Variants in RELA observed in about 807,000 individuals in gnomAD.
The protein encoded by RELA is transcription factor p65.
A neutral mutation model predicts 56.7 loss-of-function variants in RELA; 14 were observed. That is an observed-to-expected ratio of 0.25 (90% CI 0.16 to 0.39). The LOEUF (loss-of-function observed/expected upper bound fraction) is 0.39. RELA is among the 10% of genes least tolerant of loss of function. The probability of loss-of-function intolerance (pLI) is 1.00; values close to 1 mark genes in which losing one functional copy is unlikely to be tolerated. For missense variants in RELA, 559 were observed against 736.4 expected (o/e 0.76, Z 2.79); for synonymous variants, 315 against 289.7 (o/e 1.09, Z -0.89).
Position 65,658,251 on chromosome 11 carries a change from C to T in RELA, c.877+36G>A. 2 of 1,493,290 alleles carry T rather than the reference C, an allele frequency of 1.3e-6. No homozygotes were observed. The highest frequency in any genetic ancestry group is 1.8e-6 in the Non-Finnish European group (2 of 1,096,604). The allele number at this position is 1,493,290 out of a possible 1,614,324, so 92.5% of individuals were successfully genotyped here. ...TTGGCCTCTCTCTCACGGCACAGAGCCCAGCTGCCCTGATGCTGCCACCCC... is the reference window on the plus strand; with the variant it reads ...TTGGCCTCTCTCTCACGGCACAGAGTCCAGCTGCCCTGATGCTGCCACCCC... On this transcript the variant is annotated intron_variant, in intron 8 of 10. Coordinates refer to ENST00000406246, the MANE Select transcript of RELA (RefSeq NM_021975.4). This position sits in a 1 kb window ranked among gnomAD's most constrained non-coding sequence, Gnocchi z 4.5.
chr11:65,656,715 C>T (rs1160211495), intron 8 of RELA, among the ~76,000 whole-genome samples: 1 of 152,156 alleles, frequency 6.6e-6, no homozygotes, highest in Non-Finnish European at 1.5e-5. Flanking sequence ...GAGAGGGACA[C>T]AATCATATAT....
chr11:65,656,107 C>T, intron 8 of RELA, 172 bp from the exon 9 acceptor site: 1 of 691,766 alleles, frequency 1.4e-6, no homozygotes, highest in East Asian at 2.7e-5. Flanking sequence ...GAGAATCCCA[C>T]AGCTTTTGGA....
At chr11:65,656,971 A>C (rs1357498027) in intron 8 of RELA, among the ~76,000 whole-genome samples, 2 of 152,124 alleles carry the variant, frequency 1.3e-5, no homozygotes, top group Non-Finnish European at 2.9e-5. Flanking sequence ...GGTTGCAGTG[A>C]GCCGAGATTG....
At position 65,658,248 on chromosome 11, in the gene RELA, G is replaced by T. The variant is rs558936963; in HGVS notation, c.877+39C>A. 6.7e-6 allele frequency: 10 copies of T among 1,486,910 alleles called. No homozygotes were observed. The African/African-American group carries it at 1.4e-4, about 20-fold the overall frequency. 92.1% of individuals were successfully genotyped at this position (1,486,910 alleles called of 1,614,324 possible). A position where few individuals can be genotyped will look rare whatever the true frequency, so the allele number is the denominator to read the frequency against. ...GTCTTGGCCTCTCTCTCACGGCACA[G>T]AGCCCAGCTGCCCTGATGCTGCCAC... On this transcript the variant is annotated intron_variant, in intron 8 of 10. Coordinates refer to ENST00000406246, the MANE Select transcript of RELA (RefSeq NM_021975.4). This position sits in a 1 kb window ranked among gnomAD's most constrained non-coding sequence, Gnocchi z 4.5.
chr11:65,660,491 C>T (rs1238624100), intron 4 of RELA: 2 of 493,644 alleles, frequency 4.1e-6, no homozygotes, highest in Non-Finnish European at 3.6e-6. Context: ...CTCATTCCCA[C>T]CTCAAGGCCT....
chr11:65,655,090 A>G (rs1856387942), intron 10 of RELA, 90 bp from the exon 11 acceptor site: 5 of 1,034,840 alleles, frequency 4.8e-6, no homozygotes, highest in Non-Finnish European at 7.3e-6. Context: ...CATGGTGCTC[A>G]GGCTCAATCC....
chr11:65,660,650 CCTT>C (rs1241301262), intron 4 of RELA: 1 of 185,474 alleles, frequency 5.4e-6, no homozygotes, highest in African/African-American at 2.4e-5. Context: ...CCCAGGTTAT[CCTT>C]CTATCCTATG....
chr11:65,663,293 A>G (rs1282174242), upstream of RELA, among the ~76,000 whole-genome samples: 1 of 152,144 alleles, frequency 6.6e-6, no homozygotes, highest in East Asian at 1.9e-4. Context: ...CGCGCAGGGA[A>G]AAGCCCGACC....
rs542335113 is a variant in RELA, at chr11:65,654,160, C to A, written c.*218G>T. 10 of 666,876 alleles carry A rather than the reference C, an allele frequency of 1.5e-5. No homozygotes were observed. The highest frequency in any genetic ancestry group is 1.1e-4 in the African/African-American group (6 of 55,642). The allele number at this position is 666,876 out of a possible 1,614,324, so 41.3% of individuals were successfully genotyped here. The stretch of plus-strand genomic sequence containing the variant: ...AAAGTTTGAGTTTCCCCAGCTCCCC[C>A]CTTTCCAGAGAAGTTAATGCTTCTG... On this transcript the variant is annotated 3_prime_UTR_variant, in exon 11 of 11. Transcript: ENST00000406246.
chr11:65,654,312 T>TA lies in RELA; in HGVS notation c.*65dup. 3.7e-6 allele frequency: 6 copies of TA among 1,608,542 alleles called. No homozygotes were observed. Among genetic ancestry groups the TA allele is most frequent in the Non-Finnish European group, 5.1e-6 (6 of 1,176,412 alleles). ...TTGGAACACACCCCACCAGAATCCG[T>TA]AAGTGCTTTTGGAGGGCTTCAATCC... On this transcript the variant is annotated 3_prime_UTR_variant, in exon 11 of 11. Coordinates refer to ENST00000406246, the MANE Select transcript of RELA (RefSeq NM_021975.4).
intron 5 of RELA, 33 bp from the exon 6 acceptor site, chr11:65,659,830 G>A (rs927662238): frequency 8.2e-6 from 13 of 1,589,410 alleles, no homozygotes; most frequent in Non-Finnish European, 1.0e-5. Context: ...GGAGAGCAGG[G>A]GAAGTGGGGA....
intron 10 of RELA, 167 bp downstream of exon 10, chr11:65,655,521 G>A: frequency 1.6e-6 from 1 of 638,716 alleles, no homozygotes; most frequent in Non-Finnish European, 2.8e-6. Flanking sequence ...TGGTTCCCAG[G>A]CTTCAGTGTG....
chr11:65,662,533 G>A (rs941483112), intron 1 of RELA: 4 of 436,190 alleles, frequency 9.2e-6, no homozygotes, highest in Admixed American at 8.2e-5. Context: ...CCCTAATAGG[G>A]AAACGAAGCC....
intron 5 of RELA, 118 bp from the exon 6 acceptor site, chr11:65,659,915 AGAG>A (rs1565191311): frequency 1.5e-6 from 2 of 1,360,404 alleles, no homozygotes; most frequent in Non-Finnish European, 2.0e-6. Context: ...CACAAGTCCT[AGAG>A]GAGGCAGAAC....
Position 65,658,860 on chromosome 11 carries a change from C to T in RELA, c.560-38G>A, listed in dbSNP as rs1418393223. ...AAACAAGGGAGGATGACCTGAGCCA[C>T]GAGAGGTCCCCAGGGTGGCCTGCAG... On this transcript the variant is annotated intron_variant, in intron 6 of 10. Coordinates refer to ENST00000406246, the MANE Select transcript of RELA (RefSeq NM_021975.4). This position sits in a 1 kb window ranked among gnomAD's most constrained non-coding sequence, Gnocchi z 4.5. 12 of 1,558,342 alleles carry T rather than the reference C, an allele frequency of 7.7e-6. No individual in the cohort carries two copies. The highest frequency in any genetic ancestry group is 5.0e-5 in the Admixed American group (3 of 59,896).
intron 10 of RELA, 77 bp from the exon 11 acceptor site, chr11:65,655,077 C>G: frequency 8.7e-7 from 1 of 1,151,122 alleles, no homozygotes; most frequent in Non-Finnish European, 1.3e-6. Context: ...CCCAGCCCCT[C>G]TTCATGGTGC....
Position 65,658,867 on chromosome 11 carries a change from T to TC in RELA, c.560-46dup, listed in dbSNP as rs771081298. On this transcript the variant is annotated intron_variant, in intron 6 of 10. Transcript: ENST00000406246. The surrounding 1 kb of genome is among the most constrained non-coding windows in gnomAD (Gnocchi z 4.5). ...GGAGGATGACCTGAGCCACGAGAGG[T>TC]CCCCAGGGTGGCCTGCAGGAGATGC... is the stretch of plus-strand genomic sequence containing the variant. 1 of 1,538,482 alleles carries TC rather than the reference T, an allele frequency of 6.5e-7. No individual in the cohort carries two copies. Among genetic ancestry groups the TC allele is most frequent in the Non-Finnish European group, 9.0e-7 (1 of 1,111,960 alleles).
At chr11:65,662,378 C>T in intron 1 of RELA, 173 bp from the exon 2 acceptor site, 1 of 687,772 alleles carries the variant, frequency 1.5e-6, no homozygotes, top group Non-Finnish European at 2.3e-6. Context: ...ACCAGAAACA[C>T]CTGCTTCTTG....
In RELA at chr11:65,662,104, G is replaced by A; in HGVS notation, c.35-16C>T. Reference sequence around the variant, plus strand: ...TGGGCTGGCTCTGCCAGGGGACACCGCAGCCCCATTAGGCGGCTGCCCCCA... The same window carrying A: ...TGGGCTGGCTCTGCCAGGGGACACCACAGCCCCATTAGGCGGCTGCCCCCA... On this transcript the variant is annotated splice_polypyrimidine_tract_variant and intron_variant, in intron 2 of 10. Transcript: ENST00000406246. The A allele has an allele frequency of 1.2e-6, 2 of 1,605,856 alleles. No homozygotes were observed. The highest frequency in any genetic ancestry group is 1.1e-5 in the South Asian group (1 of 90,226).
Sources: allele counts gnomAD v4.1 joint callset (sites outside exome capture counted in the v4.1 genomes callset), GRCh38; gene constraint gnomAD v4.1.1; non-coding constraint Gnocchi (gnomAD v3.1); transcripts MANE v1.5; gene names NCBI Gene and HGNC (gene_info 2026-07-23, HGNC 2026-07-21).